The following LYPLAL1 variants were observed in gnomAD, a reference collection of about 807,000 sequenced individuals.
LYPLAL1 encodes the protein lysophospholipase-like protein 1.
In LYPLAL1, 23 loss-of-function variants were observed where a neutral mutation model predicts 19.7. The observed-to-expected ratio is 1.17, with a 90% CI of 0.84 to 1.65. The LOEUF is 1.65. LYPLAL1 is among the 40% of genes most tolerant of loss of function. The pLI is 0.00. For missense variants in LYPLAL1, 355 were observed against 279.4 expected, an observed-to-expected ratio of 1.27 and a Z score of -1.93; for synonymous variants, 119 against 96.3, an observed-to-expected ratio of 1.24 and a Z score of -1.38.
the LYPLAL1 span, among the ~76,000 whole-genome samples, chr1:219,232,397 C>T: frequency 6.6e-6 from 1 of 151,836 alleles, no homozygotes; most frequent in Non-Finnish European, 1.5e-5. Flanking sequence ...AAAATTAGCT[C>T]GGAATGGATC....
the LYPLAL1 span, among the ~76,000 whole-genome samples, chr1:219,357,905 C>T: frequency 4.6e-5 from 7 of 152,030 alleles, no homozygotes; most frequent in Admixed American, 1.3e-4. Context: ...ATCTTAAATG[C>T]GTAATGCCAA....
chr1:219,323,056 G>A, the LYPLAL1 span, among the ~76,000 whole-genome samples: 2 of 152,178 alleles, frequency 1.3e-5, no homozygotes, highest in Non-Finnish European at 2.9e-5. Flanking sequence ...CTATAAGCAA[G>A]CACAACTATT....
chr1:219,196,062 C>A (rs974654981), intron 3 of LYPLAL1, among the ~76,000 whole-genome samples: 1 of 152,148 alleles, frequency 6.6e-6, no homozygotes, highest in Non-Finnish European at 1.5e-5. Context: ...ACCACATTTT[C>A]TTTACCCAGT....
chr1:219,423,936 A>G, the LYPLAL1 span, among the ~76,000 whole-genome samples: 1 of 151,580 alleles, frequency 6.6e-6, no homozygotes, highest in East Asian at 1.9e-4. Flanking sequence ...CTTGTAAAGT[A>G]TATACCATTC....
the LYPLAL1 span, among the ~76,000 whole-genome samples, chr1:219,275,783 A>T: frequency 3.3e-5 from 5 of 152,242 alleles, no homozygotes; most frequent in South Asian, 1.0e-3. Flanking sequence ...TATGCTAAAA[A>T]CAATATTTAA....
At chr1:219,300,645 C>T in the LYPLAL1 span, among the ~76,000 whole-genome samples, 8 of 149,774 alleles carry the variant, frequency 5.3e-5, no homozygotes, top group Admixed American at 2.0e-4. Flanking sequence ...CGCCATTCTC[C>T]TGCCTCAGCC....
At chr1:219,333,211 A>G in the LYPLAL1 span, among the ~76,000 whole-genome samples, 1 of 152,002 alleles carries the variant, frequency 6.6e-6, no homozygotes, top group Non-Finnish European at 1.5e-5. Flanking sequence ...TCTTTATTCC[A>G]TCTGAAACTT....
At chr1:219,242,982 T>C in the LYPLAL1 span, among the ~76,000 whole-genome samples, 136 of 152,268 alleles carry the variant, frequency 8.9e-4, 1 homozygote, top group African/African-American at 3.1e-3. Context: ...AGATCAGCTG[T>C]TCCACATTTT....
At position 219,177,877 on chromosome 1, in the gene LYPLAL1, G is replaced by A. The variant is rs536104333; in HGVS notation, c.92-1270G>A. On this transcript the variant is annotated intron_variant, in intron 1 of 4. Coordinates refer to ENST00000366928, the MANE Select transcript of LYPLAL1 (RefSeq NM_138794.5). ...ACTTCTTCATGAACAGATTTGTCAC[G>A]TTCCTACAGTTTCTCTGGTCTCATT... 8.5e-4 allele frequency among the ~76,000 whole-genome samples: 130 copies of A among 152,158 alleles called. 1 individual carries two copies. The South Asian group carries it at 0.017, about 20-fold the overall frequency.
At chr1:219,402,189 G>T in the LYPLAL1 span, among the ~76,000 whole-genome samples, 1 of 152,094 alleles carries the variant, frequency 6.6e-6, no homozygotes, top group African/African-American at 2.4e-5. Context: ...CCAAGTTTCT[G>T]TTTGGAAAAT....
intron 3 of LYPLAL1, among the ~76,000 whole-genome samples, chr1:219,202,888 T>A (rs968639733): frequency 6.6e-6 from 1 of 151,932 alleles, no homozygotes; most frequent in Non-Finnish European, 1.5e-5. Flanking sequence ...AGTCTCTCTA[T>A]GTTGCCCAGG....
At chr1:219,236,066 A>G in the LYPLAL1 span, among the ~76,000 whole-genome samples, 1 of 152,288 alleles carries the variant, frequency 6.6e-6, no homozygotes, top group Non-Finnish European at 1.5e-5. Context: ...TTCTAGCCAA[A>G]CAAACATATG....
intron 3 of LYPLAL1, among the ~76,000 whole-genome samples, chr1:219,199,600 GC>G (rs1264596563): frequency 6.8e-6 from 1 of 146,252 alleles, no homozygotes; most frequent in African/African-American, 2.5e-5. Context: ...ACGCCACCAC[GC>G]CCGGCTAATT....
intron 3 of LYPLAL1, among the ~76,000 whole-genome samples, chr1:219,201,899 A>G (rs1452182154): frequency 6.6e-6 from 1 of 152,204 alleles, no homozygotes; most frequent in Non-Finnish European, 1.5e-5. Context: ...TTCATAGAGC[A>G]AATAATATTC....
At chr1:219,181,396 T>G (rs1656268726) in intron 2 of LYPLAL1, among the ~76,000 whole-genome samples, 1 of 152,182 alleles carries the variant, frequency 6.6e-6, no homozygotes, top group Non-Finnish European at 1.5e-5. Context: ...TACAGTAGAT[T>G]GGGAGCCACT....
chr1:219,288,353 G>A, the LYPLAL1 span, among the ~76,000 whole-genome samples: 1 of 152,108 alleles, frequency 6.6e-6, no homozygotes, highest in African/African-American at 2.4e-5. Context: ...TTTACTAAGT[G>A]AAAGAAGCCA....
chr1:219,314,187 A>C, the LYPLAL1 span, among the ~76,000 whole-genome samples: 1 of 152,202 alleles, frequency 6.6e-6, no homozygotes, highest in Non-Finnish European at 1.5e-5. Flanking sequence ...ATAATATTCC[A>C]TTGTGCATAT....
At chr1:219,252,493 G>C in the LYPLAL1 span, among the ~76,000 whole-genome samples, 1 of 151,944 alleles carries the variant, frequency 6.6e-6, no homozygotes, top group South Asian at 2.1e-4. Context: ...AACATGAAAG[G>C]GTGTGTTATA....
At chr1:219,194,263 G>C (rs942830712) in intron 3 of LYPLAL1, among the ~76,000 whole-genome samples, 1 of 151,872 alleles carries the variant, frequency 6.6e-6, no homozygotes, top group Non-Finnish European at 1.5e-5. Context: ...CTCTAATAGA[G>C]ATAAACATGG....
Sources: allele counts gnomAD v4.1 joint callset (sites outside exome capture counted in the v4.1 genomes callset), GRCh38; gene constraint gnomAD v4.1.1; transcripts MANE v1.5; gene names NCBI Gene and HGNC (gene_info 2026-07-23, HGNC 2026-07-21).